The following FNTB variants were observed in gnomAD, a reference collection of about 807,000 sequenced individuals.
FNTB encodes the protein protein farnesyltransferase subunit beta.
A neutral mutation model predicts 59.4 loss-of-function variants in FNTB; 27 were observed. The ratio of observed to expected loss-of-function variants is 0.45; its 90% confidence interval spans 0.34 to 0.63. The LOEUF (loss-of-function observed/expected upper bound fraction) is 0.63. Among genes scored for constraint, FNTB ranks in the 20% least tolerant of loss-of-function variants. FNTB has a pLI of 0.02. For synonymous variants in FNTB, 230 were observed against 220.7 expected, an observed-to-expected ratio of 1.04 and a Z score of -0.37; for missense variants, 449 against 559.6, an observed-to-expected ratio of 0.80 and a Z score of 1.99.
intron 2 of FNTB, among the ~76,000 whole-genome samples, chr14:65,008,522 G>A (rs1177208672): frequency 1.3e-5 from 2 of 152,258 alleles, no homozygotes; most frequent in Non-Finnish European, 2.9e-5. Flanking sequence ...GGGATAATTT[G>A]AGAGAGAGAA....
chr14:65,052,127 A>G (rs1353493574), intron 9 of FNTB, among the ~76,000 whole-genome samples: 1 of 152,162 alleles, frequency 6.6e-6, no homozygotes, highest in Non-Finnish European at 1.5e-5. Flanking sequence ...ACATATATAT[A>G]AGATTTTTAG....
At position 64,994,030 on chromosome 14, in the gene FNTB, A is replaced by G. The variant is rs1295045816; in HGVS notation, c.144+6933A>G. ...GCTACCACACCCGGCTAATTTTTGT[A>G]TTTTAGTAGAGGTGGGGTTTTACCA... On this transcript the variant is annotated intron_variant, in intron 1 of 11. Coordinates refer to ENST00000246166, the MANE Select transcript of FNTB (RefSeq NM_002028.4). This position sits in a 1 kb window ranked among gnomAD's most constrained non-coding sequence, Gnocchi z 4.2. 6.6e-6 allele frequency among the ~76,000 whole-genome samples: 1 copy of G among 151,568 alleles called. No individual in the cohort carries two copies. The highest frequency in any genetic ancestry group is 1.5e-5 in the Non-Finnish European group (1 of 67,914).
Position 65,027,285 on chromosome 14 carries a change from GAATT to G in FNTB, c.375-165_375-162del. Reference sequence around the variant, plus strand: ...ACAGAAATGATGATAGCTGGAGAGAGAATTAAGCCCTTTGGGGAGAGGTTATATT... The same window carrying G: ...ACAGAAATGATGATAGCTGGAGAGAGAAGCCCTTTGGGGAGAGGTTATATT... On this transcript the variant is annotated intron_variant, in intron 4 of 11. Coordinates refer to ENST00000246166, the MANE Select transcript of FNTB (RefSeq NM_002028.4). This position sits in a 1 kb window ranked among gnomAD's most constrained non-coding sequence, Gnocchi z 5.7. The G allele has an allele frequency of 9.6e-7, 1 of 1,038,690 alleles. No individual in the cohort carries two copies. The highest frequency in any genetic ancestry group is 1.4e-6 in the Non-Finnish European group (1 of 721,970). The allele number at this position is 1,038,690 out of a possible 1,614,324, so 64.3% of individuals were successfully genotyped here. A position where few individuals can be genotyped will look rare whatever the true frequency, so the allele number is the denominator to read the frequency against.
Position 64,997,663 on chromosome 14 carries a change from A to G in FNTB, c.145-6586A>G, listed in dbSNP as rs1325597097. Among the ~76,000 whole-genome samples, 1 of 152,218 alleles carries G rather than the reference A, an allele frequency of 6.6e-6. No individual in the cohort carries two copies. The highest frequency in any genetic ancestry group is 1.5e-5 in the Non-Finnish European group (1 of 68,034). ...GACTTCAGGTTTAACTACAGTGTTC[A>G]ACTGAAACAAAGAAGGATGTTGGGG... On this transcript the variant is annotated intron_variant, in intron 1 of 11. Coordinates refer to ENST00000246166, the MANE Select transcript of FNTB (RefSeq NM_002028.4). The surrounding 1 kb of genome is among the most constrained non-coding windows in gnomAD (Gnocchi z 4.5).
chr14:65,027,426 G>A lies in FNTB; in HGVS notation c.375-27G>A. On this transcript the variant is annotated intron_variant, in intron 4 of 11. Transcript: ENST00000246166. This position sits in a 1 kb window ranked among gnomAD's most constrained non-coding sequence, Gnocchi z 5.7. The stretch of plus-strand genomic sequence containing the variant: ...TTTGACATGAATGCTCTCTGACTTT[G>A]TTTTTGCCCTTTGGCTGTGTACCTA... 6.2e-7 allele frequency: 1 copy of A among 1,612,878 alleles called. No homozygotes were observed. The highest frequency in any genetic ancestry group is 8.5e-7 in the Non-Finnish European group (1 of 1,179,428).
rs919918697 is a variant in FNTB, at chr14:65,047,794, C to G, written c.955+3351C>G. Among the ~76,000 whole-genome samples, 1 of 151,970 alleles carries G rather than the reference C, an allele frequency of 6.6e-6. No homozygotes were observed. Among genetic ancestry groups the G allele is most frequent in the Admixed American group, 6.6e-5 (1 of 15,250 alleles). ...CCAAACAGTAGCTGCATACCATGGG[C>G]TGATATAGAAAGCTCTGCAAGATAC... On this transcript the variant is annotated intron_variant, in intron 9 of 11. Coordinates refer to ENST00000246166, the MANE Select transcript of FNTB (RefSeq NM_002028.4). The surrounding 1 kb of genome is among the most constrained non-coding windows in gnomAD (Gnocchi z 5.2).
chr14:65,032,812 A>T lies in FNTB; in HGVS notation c.692+116A>T. 2 of 950,568 alleles carry T rather than the reference A, an allele frequency of 2.1e-6. No individual in the cohort carries two copies. Among genetic ancestry groups the T allele is most frequent in the African/African-American group, 1.7e-5 (1 of 59,352 alleles). The allele number at this position is 950,568 out of a possible 1,614,324, so 58.9% of individuals were successfully genotyped here. On this transcript the variant is annotated intron_variant, in intron 7 of 11. Transcript: ENST00000246166. The surrounding 1 kb of genome is among the most constrained non-coding windows in gnomAD (Gnocchi z 5.0). ...GAAGGAAATACAAAAATCACAGGAG[A>T]TCCATTAGGGTTATCTAATGATTTT...
intron 11 of FNTB, among the ~76,000 whole-genome samples, chr14:65,060,960 C>T (rs1214415585): frequency 6.7e-6 from 1 of 149,344 alleles, no homozygotes; most frequent in East Asian, 1.9e-4. Flanking sequence ...TTGCCTGTAT[C>T]GTTAAATATT....
chr14:65,004,539 G>A (rs1274410847), intron 2 of FNTB, among the ~76,000 whole-genome samples: 1 of 152,168 alleles, frequency 6.6e-6, no homozygotes, highest in African/African-American at 2.4e-5. Context: ...TGTTACATGG[G>A]GATTCCCCTC....
At chr14:65,051,857 T>C (rs368847753) in intron 9 of FNTB, among the ~76,000 whole-genome samples, 1 of 151,108 alleles carries the variant, frequency 6.6e-6, no homozygotes, top group Non-Finnish European at 1.5e-5. Context: ...TGCAGTGGTG[T>C]GATCTCAGCT....
chr14:65,048,314 T>C (rs961604812), intron 9 of FNTB, among the ~76,000 whole-genome samples: 1 of 146,942 alleles, frequency 6.8e-6, no homozygotes. Flanking sequence ...TTCTGTATTA[T>C]ACTGTGCCTT....
Position 65,044,483 on chromosome 14 carries a change from C to T in FNTB, c.955+40C>T, listed in dbSNP as rs766520679. 6.4e-7 allele frequency: 1 copy of T among 1,573,230 alleles called. No homozygotes were observed. Among genetic ancestry groups the T allele is most frequent in the Non-Finnish European group, 8.6e-7 (1 of 1,164,606 alleles). On this transcript the variant is annotated intron_variant, in intron 9 of 11. Coordinates refer to ENST00000246166, the MANE Select transcript of FNTB (RefSeq NM_002028.4). The surrounding 1 kb of genome is among the most constrained non-coding windows in gnomAD (Gnocchi z 5.5). ...CTGTTCACTTGGGGCTGGATGATTT[C>T]CCTCCACTACTCACAAAGTCTGGAA... is the stretch of plus-strand genomic sequence containing the variant.
rs1309185515 is a variant in FNTB, at chr14:64,997,560, A to G, written c.145-6689A>G. Among the ~76,000 whole-genome samples, 1 of 152,190 alleles carries G rather than the reference A, an allele frequency of 6.6e-6. No individual in the cohort carries two copies. Among genetic ancestry groups the G allele is most frequent in the Non-Finnish European group, 1.5e-5 (1 of 68,034 alleles). ...TATTGCAAGGCTGTGGTCTTAGTGA[A>G]TTGATTGTGTCTGTGCAGCAAGCTG... On this transcript the variant is annotated intron_variant, in intron 1 of 11. Transcript: ENST00000246166. The surrounding 1 kb of genome is among the most constrained non-coding windows in gnomAD (Gnocchi z 4.5).
rs2062030203 is a variant in FNTB, at chr14:65,028,882, C to T, written c.605+1101C>T. Among the ~76,000 whole-genome samples the T allele has an allele frequency of 6.6e-6, 1 of 152,174 alleles. No individual in the cohort carries two copies. Among genetic ancestry groups the T allele is most frequent in the Non-Finnish European group, 1.5e-5 (1 of 68,024 alleles). Reference sequence around the variant, plus strand: ...GCTATTCCCCCAAAATATGCACAGTCTTGAAACGCAGCTTTTAAAAACCTA... The same window carrying T: ...GCTATTCCCCCAAAATATGCACAGTTTTGAAACGCAGCTTTTAAAAACCTA... On this transcript the variant is annotated intron_variant, in intron 6 of 11. Transcript: ENST00000246166. This position sits in a 1 kb window ranked among gnomAD's most constrained non-coding sequence, Gnocchi z 4.4.
rs1387030758 is a variant in FNTB at position 64,994,111 on chromosome 14, T to C, written c.144+7014T>C. On this transcript the variant is annotated intron_variant, in intron 1 of 11. Transcript: ENST00000246166. This position sits in a 1 kb window ranked among gnomAD's most constrained non-coding sequence, Gnocchi z 4.2. ...CTCAAATGATCCACCCGCTTCCACC[T>C]CCCAAAGTGCTGGGATTACAGGCGT... is the stretch of plus-strand genomic sequence containing the variant. Among the ~76,000 whole-genome samples, 1 of 152,158 alleles carries C rather than the reference T, an allele frequency of 6.6e-6. No individual in the cohort carries two copies. Among genetic ancestry groups the C allele is most frequent in the Non-Finnish European group, 1.5e-5 (1 of 68,010 alleles).
At chr14:65,037,752 ATTTAT>A (rs765365959) in intron 7 of FNTB, among the ~76,000 whole-genome samples, 2,245 of 103,526 alleles carry the variant, frequency 0.022, 43 homozygotes, top group East Asian at 0.11. Context: ...TTATTTATTT[ATTTAT>A]TTATTTATTT....
At chr14:65,005,183 C>A (rs2061561414) in intron 2 of FNTB, among the ~76,000 whole-genome samples, 1 of 152,132 alleles carries the variant, frequency 6.6e-6, no homozygotes, top group Non-Finnish European at 1.5e-5. Flanking sequence ...CTTCTAAGTC[C>A]TGTGAGGTCA....
intron 4 of FNTB, among the ~76,000 whole-genome samples, chr14:65,021,251 T>C (rs1159985159): frequency 2.0e-5 from 3 of 152,238 alleles, no homozygotes; most frequent in Admixed American, 6.5e-5. Context: ...GTTAAAGTTA[T>C]GTTTTTAGCT....
At position 65,031,695 on chromosome 14, in the gene FNTB, T is replaced by C. The variant is rs112306494; in HGVS notation, c.606-915T>C. On this transcript the variant is annotated intron_variant, in intron 6 of 11. Transcript: ENST00000246166. This position sits in a 1 kb window ranked among gnomAD's most constrained non-coding sequence, Gnocchi z 4.6. The stretch of plus-strand genomic sequence containing the variant: ...CAGCACTTTGGGAGGCCAAGGCAGG[T>C]GGATTGCTTGAGGTCAGGAGTTTGA... Among the ~76,000 whole-genome samples, 45,759 of 151,766 alleles carry C rather than the reference T, an allele frequency of 0.3. 7,918 individuals carry two copies. Among genetic ancestry groups the C allele is most frequent in the African/African-American group, 0.46 (19,109 of 41,442 alleles).
Sources: allele counts gnomAD v4.1 joint callset (sites outside exome capture counted in the v4.1 genomes callset), GRCh38; gene constraint gnomAD v4.1.1; non-coding constraint Gnocchi (gnomAD v3.1); transcripts MANE v1.5; gene names NCBI Gene and HGNC (gene_info 2026-07-23, HGNC 2026-07-21).